The following GSK3B variants were observed in gnomAD, a reference collection of about 807,000 sequenced individuals.
The protein encoded by GSK3B is glycogen synthase kinase 3 beta, also known as glycogen synthase kinase-3 beta.
In GSK3B, 15 loss-of-function variants were observed where a neutral mutation model predicts 56.4. The observed-to-expected ratio is 0.27, with a 90% CI of 0.18 to 0.41. GSK3B has a LOEUF of 0.41. Among genes scored for constraint, GSK3B ranks in the 10% least tolerant of loss-of-function variants. GSK3B has a pLI of 1.00. For missense variants in GSK3B, 300 were observed against 513.4 expected (o/e 0.58, Z 4.02); for synonymous variants, 181 against 188.9 (o/e 0.96, Z 0.34).
chr3:119,856,874 G>A (rs546718822), intron 9 of GSK3B, among the ~76,000 whole-genome samples: 1 of 152,178 alleles, frequency 6.6e-6, no homozygotes, highest in East Asian at 1.9e-4. Context: ...ATAGTAATTT[G>A]AGAATAACCT....
chr3:120,059,748 G>C (rs2058221014), intron 1 of GSK3B, among the ~76,000 whole-genome samples: 1 of 152,080 alleles, frequency 6.6e-6, no homozygotes, highest in Non-Finnish European at 1.5e-5. Context: ...CATTCATTTA[G>C]CAATACTTAA....
At chr3:119,949,740 G>A (rs185530397) in intron 2 of GSK3B, among the ~76,000 whole-genome samples, 2 of 143,214 alleles carry the variant, frequency 1.4e-5, no homozygotes, top group Admixed American at 7.3e-5. Flanking sequence ...GGTGGAGGCT[G>A]CAGTGAGCTG....
intron 1 of GSK3B, among the ~76,000 whole-genome samples, chr3:120,044,651 C>G (rs976371456): frequency 1.3e-5 from 2 of 152,078 alleles, no homozygotes; most frequent in Non-Finnish European, 2.9e-5. Context: ...GGGTAAGTAT[C>G]AACAAAAATG....
chr3:120,043,342 CTA>C (rs2058078487), intron 1 of GSK3B, among the ~76,000 whole-genome samples: 1 of 152,198 alleles, frequency 6.6e-6, no homozygotes, highest in African/African-American at 2.4e-5. Flanking sequence ...ATCTTTCCAT[CTA>C]TTCTATTACT....
At chr3:119,830,017 A>G (rs2055574319) in intron 10 of GSK3B, among the ~76,000 whole-genome samples, 1 of 152,248 alleles carries the variant, frequency 6.6e-6, no homozygotes. Flanking sequence ...TGCTGAGAAG[A>G]ACAGAGTTCT....
chr3:119,847,951 C>G (rs894746518), intron 9 of GSK3B, among the ~76,000 whole-genome samples: 2 of 151,956 alleles, frequency 1.3e-5, no homozygotes, highest in African/African-American at 4.8e-5. Context: ...CTTATCTAGA[C>G]ACTAGTGGAA....
chr3:120,014,004 T>G (rs773211764), intron 1 of GSK3B, among the ~76,000 whole-genome samples: 51 of 151,732 alleles, frequency 3.4e-4, no homozygotes, highest in Non-Finnish European at 5.4e-4. Flanking sequence ...ACCCCGTCTC[T>G]ACTAAAAGTA....
chr3:119,903,618 C>T (rs1372417841), intron 7 of GSK3B, among the ~76,000 whole-genome samples: 1 of 152,148 alleles, frequency 6.6e-6, no homozygotes, highest in Non-Finnish European at 1.5e-5. Context: ...AAGCTCTAGA[C>T]TTAAAGATTT....
rs866599560 is a variant in GSK3B, at chr3:120,005,525, G to A, written c.89-3286C>T. Among the ~76,000 whole-genome samples, 8 of 152,298 alleles carry A rather than the reference G, an allele frequency of 5.3e-5. No homozygotes were observed. The South Asian group carries it at 1.7e-3, about 32-fold the overall frequency. On this transcript the variant is annotated intron_variant, in intron 1 of 10. Transcript: ENST00000264235. Reference sequence around the variant, plus strand: ...GGAAAAAATGTTAAGGGCAGCCAGAGAAAGGTTGGGTTACCCACAAAGGGA... The same window carrying A: ...GGAAAAAATGTTAAGGGCAGCCAGAAAAAGGTTGGGTTACCCACAAAGGGA...
chr3:120,093,597 T>C lies in GSK3B; in HGVS notation c.-163A>G. On this transcript the variant is annotated 5_prime_UTR_variant, in exon 1 of 11. Transcript: ENST00000264235. Reference sequence around the variant, plus strand: ...GGCTTTTCACTCCTTTTGTATACTATAAAAAACAAAACAAGCGATATATTT... The same window carrying C: ...GGCTTTTCACTCCTTTTGTATACTACAAAAAACAAAACAAGCGATATATTT... 2 of 545,426 alleles carry C rather than the reference T, an allele frequency of 3.7e-6. No homozygotes were observed. Among genetic ancestry groups the C allele is most frequent in the Non-Finnish European group, 3.3e-6 (1 of 301,564 alleles). The allele number at this position is 545,426 out of a possible 1,614,324, so 33.8% of individuals were successfully genotyped here.
In GSK3B at chr3:119,825,304, T is replaced by C. The variant is rs938723510; in HGVS notation, c.*1484A>G. On this transcript the variant is annotated 3_prime_UTR_variant, in exon 11 of 11. Transcript: ENST00000264235. ...AAAATCTATTTCCTCACGGCAAACA[T>C]AGTCCTTCAATTCTCCTTGCTTTCC... The C allele has an allele frequency of 3.5e-5, 8 of 229,270 alleles. No homozygotes were observed. Among genetic ancestry groups the C allele is most frequent in the Non-Finnish European group, 6.9e-5 (8 of 115,702 alleles). 14.2% of individuals were successfully genotyped at this position (229,270 alleles called of 1,614,324 possible).
chr3:119,899,150 T>G (rs886320549), intron 7 of GSK3B, among the ~76,000 whole-genome samples: 3 of 152,076 alleles, frequency 2.0e-5, no homozygotes, highest in Non-Finnish European at 4.4e-5. Flanking sequence ...GGGCAGGTAG[T>G]GTATACAGCA....
intron 2 of GSK3B, among the ~76,000 whole-genome samples, chr3:119,954,530 C>CT (rs1354286921): frequency 1.3e-5 from 2 of 152,006 alleles, no homozygotes; most frequent in South Asian, 2.1e-4. Flanking sequence ...GTAAAGGCAT[C>CT]TTTTTTCAAA....
intron 3 of GSK3B, among the ~76,000 whole-genome samples, chr3:119,931,382 G>A (rs569548082): frequency 2.6e-5 from 4 of 152,322 alleles, no homozygotes; most frequent in Admixed American, 6.5e-5. Context: ...TTGGGAGGCC[G>A]AAGTGGGTGG....
chr3:120,047,796 T>C (rs947474756), intron 1 of GSK3B, among the ~76,000 whole-genome samples: 1 of 152,216 alleles, frequency 6.6e-6, no homozygotes, highest in Non-Finnish European at 1.5e-5. Flanking sequence ...TGGTAGGGTA[T>C]TTGTTGACTG....
At chr3:119,970,358 T>G (rs1211233798) in intron 2 of GSK3B, among the ~76,000 whole-genome samples, 1 of 152,146 alleles carries the variant, frequency 6.6e-6, no homozygotes, top group East Asian at 1.9e-4. Flanking sequence ...ACACTATTAG[T>G]CATTTTAAAA....
chr3:119,986,779 T>C (rs2057520493), intron 2 of GSK3B, among the ~76,000 whole-genome samples: 1 of 152,212 alleles, frequency 6.6e-6, no homozygotes, highest in African/African-American at 2.4e-5. Context: ...GTATGGGGAT[T>C]CCTCAAGGAT....
At position 119,961,518 on chromosome 3, in the gene GSK3B, C is replaced by T. The variant is rs375950852; in HGVS notation, c.283-14167G>A. On this transcript the variant is annotated intron_variant, in intron 2 of 10. Coordinates refer to ENST00000264235, the MANE Select transcript of GSK3B (RefSeq NM_001146156.2). ...TGGCACACACCTATAGTCCCAGTTA[C>T]TCGGGAGGCTGAGGCACAAGAATCG... Among the ~76,000 whole-genome samples the T allele has an allele frequency of 2.2e-4, 33 of 151,750 alleles. No individual in the cohort carries two copies. In the East Asian group the frequency reaches 6.4e-3, roughly 30 times the overall value.
chr3:119,966,846 C>A lies in GSK3B; in HGVS notation c.283-19495G>T, dbSNP rs563327773. On this transcript the variant is annotated intron_variant, in intron 2 of 10. Coordinates refer to ENST00000264235, the MANE Select transcript of GSK3B (RefSeq NM_001146156.2). ...AATAATGAAGTACTAGCAAAGAACA[C>A]ACTGCAAAAGAACTTAAGAGGAAAA... 1.1e-4 allele frequency among the ~76,000 whole-genome samples: 16 copies of A among 151,878 alleles called. No individual in the cohort carries two copies. The South Asian group carries it at 2.9e-3, about 28-fold the overall frequency.
Sources: gnomAD v4.1 joint callset for allele counts (sites outside exome capture counted in the v4.1 genomes callset) on GRCh38, gnomAD v4.1.1 for gene constraint, MANE v1.5 for transcripts, NCBI Gene and HGNC (gene_info 2026-07-23, HGNC 2026-07-21) for gene names.